Variants in DOCK1 observed in about 807,000 individuals in gnomAD.
The protein encoded by DOCK1 is dedicator of cytokinesis protein 1.
DOCK1 carries 138 observed loss-of-function variants against 262.7 expected under a neutral mutation model. The observed-to-expected ratio is 0.53, with a 90% CI of 0.46 to 0.61. The LOEUF (loss-of-function observed/expected upper bound fraction) is 0.61, where lower values mean the gene tolerates loss of function less well. Among genes scored for constraint, DOCK1 ranks in the 20% least tolerant of loss-of-function variants. The pLI is 0.00. For missense variants in DOCK1, 1,908 were observed against 2,370.7 expected (o/e 0.80, Z 4.05); for synonymous variants, 866 against 867.4 (o/e 1.00, Z 0.03).
At chr10:127,337,567 C>T (rs899225569) in intron 29 of DOCK1, among the ~76,000 whole-genome samples, 3 of 152,102 alleles carry the variant, frequency 2.0e-5, no homozygotes, top group Admixed American at 6.5e-5. Flanking sequence ...ATCTGGCAAC[C>T]CTGCGGCTGA....
rs59990966 is a variant in DOCK1 at position 127,147,419 on chromosome 10, C to G, written c.2847+19655C>G. On this transcript the variant is annotated intron_variant, in intron 27 of 51. Transcript: ENST00000623213. ...ACGATTATCTTGTTTTCTTTGGAGTCTGCTTTGCCAGGTCGGGCACCCTGG... is the reference window on the plus strand; with the variant it reads ...ACGATTATCTTGTTTTCTTTGGAGTGTGCTTTGCCAGGTCGGGCACCCTGG... 1.6e-3 allele frequency among the ~76,000 whole-genome samples: 238 copies of G among 152,290 alleles called. 2 individuals are homozygous for G. Among genetic ancestry groups the G allele is most frequent in the African/African-American group, 5.5e-3 (227 of 41,570 alleles).
intron 29 of DOCK1, among the ~76,000 whole-genome samples, chr10:127,270,782 C>G (rs2135174304): frequency 6.6e-6 from 1 of 152,266 alleles, no homozygotes; most frequent in East Asian, 1.9e-4. Context: ...AAGCAGTGTT[C>G]ATGTTGCTAT....
chr10:127,397,638 AC>A (rs2066976463), intron 38 of DOCK1, among the ~76,000 whole-genome samples: 1 of 151,794 alleles, frequency 6.6e-6, no homozygotes, highest in African/African-American at 2.4e-5. Flanking sequence ...CATGAGTTAC[AC>A]GGGCAGCGAC....
intron 27 of DOCK1, among the ~76,000 whole-genome samples, chr10:127,223,159 A>G (rs7920172): frequency 6.6e-6 from 1 of 152,222 alleles, no homozygotes; most frequent in Non-Finnish European, 1.5e-5. Context: ...CTTTGAATTT[A>G]TAACAATGTC....
chr10:127,430,955 A>T (rs922310450), intron 47 of DOCK1, among the ~76,000 whole-genome samples: 1 of 152,210 alleles, frequency 6.6e-6, no homozygotes, highest in African/African-American at 2.4e-5. Context: ...GTGTTTGCTC[A>T]GGCGGTGAAG....
At chr10:126,951,944 G>A (rs2036288499) in intron 1 of DOCK1, among the ~76,000 whole-genome samples, 1 of 151,152 alleles carries the variant, frequency 6.6e-6, no homozygotes, top group African/African-American at 2.4e-5. Context: ...CCGCCTCCTG[G>A]GTTCAAGCGA....
chr10:126,996,631 G>A, intron 6 of DOCK1, 117 bp from the exon 7 acceptor site: 1 of 1,060,118 alleles, frequency 9.4e-7, no homozygotes, highest in Non-Finnish European at 1.3e-6. Flanking sequence ...AATATTTTGG[G>A]CAAGCCCGAG....
Position 127,363,982 on chromosome 10 carries a change from T to G in DOCK1, c.3432+1770T>G, listed in dbSNP as rs1275404797. Among the ~76,000 whole-genome samples, 4 of 152,194 alleles carry G rather than the reference T, an allele frequency of 2.6e-5. No homozygotes were observed. In the East Asian group the frequency reaches 5.8e-4, roughly 22 times the overall value. On this transcript the variant is annotated intron_variant, in intron 33 of 51. Coordinates refer to ENST00000623213, the MANE Select transcript of DOCK1 (RefSeq NM_001290223.2). ...AGAAAGGCGTGTTGTGAGAATGAAATAAAATCAGACCTGTACAATCCCTAG... is the reference window on the plus strand; with the variant it reads ...AGAAAGGCGTGTTGTGAGAATGAAAGAAAATCAGACCTGTACAATCCCTAG...
chr10:127,336,127 C>T (rs1483359151), intron 29 of DOCK1, among the ~76,000 whole-genome samples: 5 of 151,994 alleles, frequency 3.3e-5, no homozygotes, highest in Admixed American at 6.6e-5. Context: ...CACACTCGGC[C>T]GACTAATAGA....
rs570496086 is a variant in DOCK1 at position 127,419,063 on chromosome 10, G to A, written c.4692+522G>A. Among the ~76,000 whole-genome samples, 6 of 152,262 alleles carry A rather than the reference G, an allele frequency of 3.9e-5. No homozygotes were observed. The South Asian group carries it at 8.3e-4, about 21-fold the overall frequency. On this transcript the variant is annotated intron_variant, in intron 45 of 51. Transcript: ENST00000623213. ...AGGCCACGCCTGTGCACTTACTTACGCCTGAGGCTGTTTTCCTGATACTGT... is the reference window on the plus strand; with the variant it reads ...AGGCCACGCCTGTGCACTTACTTACACCTGAGGCTGTTTTCCTGATACTGT...
At position 126,981,927 on chromosome 10, in the gene DOCK1, C is replaced by T. The variant is rs772241085; in HGVS notation, c.181C>T (p.Pro61Ser). The change falls in exon 4 of 52, where the codon CCT becomes TCT. Residue 61 changes from proline (P) to serine (S), a missense_variant. By Grantham distance (74) the Pro-to-Ser change is moderately conservative. This residue lies in a region of DOCK1 where 227 missense variants were observed against 254.1 expected (regional missense o/e 0.89). Transcript: ENST00000623213. ...TTTTTTCCTCCCAAAGGGTATATTT[C>T]CTGCTTCATATATTCATCTTAAAGA... ...LRKKSKKGIF[P>S]ASYIHLKEAI... 2 of 1,612,600 alleles carry T rather than the reference C, an allele frequency of 1.2e-6. No individual in the cohort carries two copies. Among genetic ancestry groups the T allele is most frequent in the Admixed American group, 1.7e-5 (1 of 59,774 alleles).
intron 13 of DOCK1, among the ~76,000 whole-genome samples, chr10:127,022,549 C>G (rs11018173): frequency 6.6e-6 from 1 of 151,916 alleles, no homozygotes; most frequent in Non-Finnish European, 1.5e-5. Context: ...TGCACCACCA[C>G]GCCCAGTAGC....
In DOCK1 at chr10:127,171,852, C is replaced by T. The variant is rs542202583; in HGVS notation, c.2847+44088C>T. On this transcript the variant is annotated intron_variant, in intron 27 of 51. Coordinates refer to ENST00000623213, the MANE Select transcript of DOCK1 (RefSeq NM_001290223.2). ...TGGAGGAGCTAGGATTACAGGTGCC[C>T]GCCACCACGCCCGACTAATGTTTGT... 3.9e-5 allele frequency among the ~76,000 whole-genome samples: 6 copies of T among 152,008 alleles called. No individual in the cohort carries two copies. In the South Asian group the frequency reaches 6.2e-4, roughly 16 times the overall value.
chr10:127,330,775 A>G (rs544747303), intron 29 of DOCK1, among the ~76,000 whole-genome samples: 3 of 152,244 alleles, frequency 2.0e-5, no homozygotes, highest in African/African-American at 4.8e-5. Flanking sequence ...CTAAGTATAC[A>G]TAATCAATAA....
chr10:127,391,097 A>G (rs2134193567), intron 38 of DOCK1, among the ~76,000 whole-genome samples: 1 of 152,336 alleles, frequency 6.6e-6, no homozygotes, highest in South Asian at 2.1e-4. Flanking sequence ...AGACTACAGG[A>G]ATATTTAAAC....
chr10:126,983,444 C>T (rs974256511), intron 4 of DOCK1, among the ~76,000 whole-genome samples: 5 of 152,306 alleles, frequency 3.3e-5, no homozygotes, highest in Non-Finnish European at 5.9e-5. Flanking sequence ...CCTTCTTGCT[C>T]TCCAAGTTTA....
intron 38 of DOCK1, among the ~76,000 whole-genome samples, chr10:127,397,386 C>T (rs2066947730): frequency 6.7e-6 from 1 of 150,320 alleles, no homozygotes; most frequent in Non-Finnish European, 1.5e-5. Context: ...GCAGTGTCTC[C>T]TATGTGATCT....
At chr10:126,970,396 A>T (rs1248574319) in intron 1 of DOCK1, among the ~76,000 whole-genome samples, 1 of 152,218 alleles carries the variant, frequency 6.6e-6, no homozygotes, top group East Asian at 1.9e-4. Flanking sequence ...GCAGATAAAA[A>T]TCTATTAGTG....
intron 27 of DOCK1, among the ~76,000 whole-genome samples, chr10:127,229,447 C>T (rs1249753293): frequency 6.6e-6 from 1 of 152,126 alleles, no homozygotes; most frequent in Non-Finnish European, 1.5e-5. Flanking sequence ...TCTATGAGTT[C>T]GACTTGTAGA....
Sources: gnomAD v4.1 joint callset for allele counts (sites outside exome capture counted in the v4.1 genomes callset) on GRCh38, gnomAD v4.1.1 for gene constraint, gnomAD v4.1.1 regional missense constraint, MANE v1.5 for transcripts, NCBI Gene and HGNC (gene_info 2026-07-23, HGNC 2026-07-21) for gene names.